Variants in ROR1 observed in about 807,000 individuals in gnomAD.
The protein encoded by ROR1 is inactive tyrosine-protein kinase transmembrane receptor ROR1.
Under a neutral mutation model 78.8 loss-of-function variants are expected in ROR1, and 19 were observed. The observed-to-expected ratio is 0.24, with a 90% CI of 0.17 to 0.35. ROR1 has a LOEUF of 0.35. Among genes scored for constraint, ROR1 ranks in the 10% least tolerant of loss-of-function variants. The pLI is 1.00. For synonymous variants in ROR1, 386 were observed against 433.6 expected (o/e 0.89, Z 1.36); for missense variants, 917 against 1,177.8 (o/e 0.78, Z 3.24).
chr1:63,938,048 G>A (rs1645807115), intron 1 of ROR1, among the ~76,000 whole-genome samples: 1 of 151,996 alleles, frequency 6.6e-6, no homozygotes, highest in African/African-American at 2.4e-5. Flanking sequence ...CATCCTCAGG[G>A]AAGCCTTCTT....
At chr1:64,160,424 A>G (rs182459140) in intron 8 of ROR1, among the ~76,000 whole-genome samples, 2 of 152,116 alleles carry the variant, frequency 1.3e-5, no homozygotes, top group Admixed American at 1.3e-4. Flanking sequence ...ATTCAGCAAA[A>G]CCACTGATCT....
chr1:64,010,168 C>T (rs369174299), intron 2 of ROR1, among the ~76,000 whole-genome samples: 30 of 152,298 alleles, frequency 2.0e-4, no homozygotes, highest in East Asian at 1.7e-3. Context: ...ACTTCTCCCT[C>T]AAGACCAAGC....
At chr1:63,797,709 C>G (rs1376149823) in intron 1 of ROR1, among the ~76,000 whole-genome samples, 1 of 152,136 alleles carries the variant, frequency 6.6e-6, no homozygotes, top group Non-Finnish European at 1.5e-5. Flanking sequence ...CTATATATAT[C>G]TTTAAAAAGG....
intron 4 of ROR1, among the ~76,000 whole-genome samples, chr1:64,070,787 T>C (rs1266754140): frequency 6.6e-6 from 1 of 152,204 alleles, no homozygotes; most frequent in Non-Finnish European, 1.5e-5. Flanking sequence ...TTTGTGCTCA[T>C]AGAACTTGGT....
intron 1 of ROR1, among the ~76,000 whole-genome samples, chr1:63,930,706 A>G (rs1168306183): frequency 6.6e-6 from 1 of 152,174 alleles, no homozygotes; most frequent in Non-Finnish European, 1.5e-5. Flanking sequence ...ATTATTTCTA[A>G]TGCCCCATAT....
intron 4 of ROR1, among the ~76,000 whole-genome samples, chr1:64,082,473 G>A (rs551777522): frequency 6.6e-6 from 1 of 152,260 alleles, no homozygotes; most frequent in African/African-American, 2.4e-5. Context: ...GGTAGGAGTG[G>A]GGAAGAGGTT....
At chr1:64,133,563 G>A (rs1325085363) in intron 4 of ROR1, among the ~76,000 whole-genome samples, 4 of 152,228 alleles carry the variant, frequency 2.6e-5, no homozygotes, top group Admixed American at 1.3e-4. Flanking sequence ...GGTTGTAGAG[G>A]CTGGCAACAT....
At chr1:63,989,939 G>A (rs1646281774) in intron 1 of ROR1, among the ~76,000 whole-genome samples, 1 of 152,110 alleles carries the variant, frequency 6.6e-6, no homozygotes, top group Admixed American at 6.6e-5. Flanking sequence ...CTTCCTCATT[G>A]CTCAGAGTGC....
chr1:64,031,402 C>A (rs1284845947), intron 2 of ROR1, among the ~76,000 whole-genome samples: 2 of 152,206 alleles, frequency 1.3e-5, no homozygotes, highest in African/African-American at 4.8e-5. Flanking sequence ...GTCCCAGCAG[C>A]CTGAGCCCCC....
chr1:64,109,903 C>T (rs1056571242), intron 4 of ROR1, among the ~76,000 whole-genome samples: 6 of 152,028 alleles, frequency 3.9e-5, no homozygotes, highest in Non-Finnish European at 7.4e-5. Flanking sequence ...TTCTGATGTC[C>T]GAATGTCTTA....
intron 2 of ROR1, among the ~76,000 whole-genome samples, chr1:64,042,247 A>C (rs1432770455): frequency 6.6e-6 from 1 of 152,150 alleles, no homozygotes; most frequent in Non-Finnish European, 1.5e-5. Context: ...ATTAAATTAG[A>C]ATCTCTAAGG....
chr1:63,778,568 G>A (rs1644631371), intron 1 of ROR1, among the ~76,000 whole-genome samples: 1 of 152,230 alleles, frequency 6.6e-6, no homozygotes, highest in Non-Finnish European at 1.5e-5. Context: ...ATGGTGCCAA[G>A]TCCTTGTGAC....
chr1:64,103,233 A>C (rs548195350), intron 4 of ROR1, among the ~76,000 whole-genome samples: 49 of 152,242 alleles, frequency 3.2e-4, no homozygotes, highest in African/African-American at 1.1e-3. Flanking sequence ...GTATTTTCCA[A>C]TTCTGTGAAG....
intron 1 of ROR1, among the ~76,000 whole-genome samples, chr1:63,994,023 A>G (rs1043284400): frequency 6.6e-6 from 1 of 152,196 alleles, no homozygotes; most frequent in Non-Finnish European, 1.5e-5. Context: ...GTGAGTTATC[A>G]AACTCTTCAT....
chr1:63,789,597 G>A (rs1207629118), intron 1 of ROR1, among the ~76,000 whole-genome samples: 1 of 151,852 alleles, frequency 6.6e-6, no homozygotes, highest in Non-Finnish European at 1.5e-5. Flanking sequence ...GGAGGAGAAG[G>A]AGGGTGGGGG....
chr1:64,130,486 C>T (rs954245245), intron 4 of ROR1, among the ~76,000 whole-genome samples: 1 of 152,100 alleles, frequency 6.6e-6, no homozygotes, highest in Non-Finnish European at 1.5e-5. Context: ...GGATCCTCAC[C>T]CTCCCCAGCC....
At chr1:63,862,882 A>G (rs1471256029) in intron 1 of ROR1, among the ~76,000 whole-genome samples, 1 of 152,252 alleles carries the variant, frequency 6.6e-6, no homozygotes, top group Admixed American at 6.5e-5. Context: ...AAAAATTAAT[A>G]TTGGAGTATA....
intron 1 of ROR1, among the ~76,000 whole-genome samples, chr1:63,855,349 T>C (rs1195215102): frequency 2.6e-5 from 4 of 152,220 alleles, no homozygotes; most frequent in African/African-American, 4.8e-5. Context: ...CCCATCAAGA[T>C]TGTAAATTCT....
At position 63,975,485 on chromosome 1, in the gene ROR1, C is replaced by T. The variant is rs568771058; in HGVS notation, c.92-33820C>T. On this transcript the variant is annotated intron_variant, in intron 1 of 8. Transcript: ENST00000371079. ...ATAACTGAGATGGCATAATTAGCTG[C>T]CTGGATGAGCTCTCAGAAATCAACT... Among the ~76,000 whole-genome samples the T allele has an allele frequency of 1.1e-4, 16 of 152,214 alleles. No homozygotes were observed. The South Asian group carries it at 3.1e-3, about 30-fold the overall frequency.
Sources: allele counts gnomAD v4.1 joint callset (sites outside exome capture counted in the v4.1 genomes callset), GRCh38; gene constraint gnomAD v4.1.1; transcripts MANE v1.5; gene names NCBI Gene and HGNC (gene_info 2026-07-23, HGNC 2026-07-21).